The following ADAM8 variants were observed in gnomAD, a reference collection of about 807,000 sequenced individuals.
ADAM8 encodes the protein disintegrin and metalloproteinase domain-containing protein 8.
A neutral mutation model predicts 102.4 loss-of-function variants in ADAM8; 104 were observed. That is an observed-to-expected ratio of 1.02 (90% CI 0.87 to 1.20). The LOEUF is 1.20. Ranked by LOEUF, ADAM8 falls within the 50% of genes most tolerant of loss-of-function variation. The pLI is 0.00. For missense variants in ADAM8, 1,132 were observed against 1,159.0 expected, an observed-to-expected ratio of 0.98 and a Z score of 0.34; for synonymous variants, 517 against 485.2, an observed-to-expected ratio of 1.07 and a Z score of -0.86.
At chr10:133,270,154 G>A (rs1238673132) in intron 16 of ADAM8, among the ~76,000 whole-genome samples, 180 bp from the exon 17 acceptor site, 7 of 152,222 alleles carry the variant, frequency 4.6e-5, no homozygotes, top group Non-Finnish European at 7.3e-5. Context: ...CCTGGGGCAC[G>A]TGGCCGCCGG....
At chr10:133,268,621 C>T (rs1846410434) in intron 19 of ADAM8, 127 bp downstream of exon 19, 7 of 1,071,512 alleles carry the variant, frequency 6.5e-6, no homozygotes, top group East Asian at 2.6e-5. Flanking sequence ...GGCGTCATGA[C>T]GTCGGGGCAC....
intron 17 of ADAM8, 26 bp downstream of exon 17, chr10:133,269,871 G>A (rs372762472): frequency 6.2e-7 from 1 of 1,610,998 alleles, no homozygotes; most frequent in Non-Finnish European, 8.5e-7. Flanking sequence ...CTGTGCAGGG[G>A]CCCTGTCCCG....
chr10:133,273,651 G>A (rs947619579), intron 5 of ADAM8, 111 bp downstream of exon 5: 5 of 1,354,744 alleles, frequency 3.7e-6, no homozygotes, highest in Non-Finnish European at 5.1e-6. Context: ...GACAGCAAAG[G>A]CCTGAGTGGG....
At chr10:133,271,130 G>T in intron 13 of ADAM8, 60 bp from the exon 14 acceptor site, 1 of 1,592,256 alleles carries the variant, frequency 6.3e-7, no homozygotes. Context: ...CCTGGTCCCT[G>T]GTGCCCCAGG....
chr10:133,276,749 G>C, intron 1 of ADAM8, 23 bp downstream of exon 1: 1 of 1,533,062 alleles, frequency 6.5e-7, no homozygotes, highest in Non-Finnish European at 8.8e-7. Context: ...CTGCGCCCGG[G>C]ACGGTTCCCT....
Position 133,263,716 on chromosome 10 carries a change from G to A in ADAM8, c.2369C>T (p.Ala790Val). Residue 790 changes from alanine to valine, a missense_variant, in exon 22 of 23, where the codon GCT (alanine) becomes GTT (valine). Physicochemically the swap from Ala to Val is moderately conservative, Grantham distance 64. Coordinates refer to ENST00000445355, the MANE Select transcript of ADAM8 (RefSeq NM_001109.5). ...APPVPPVKPG[A>V]GAANPGPAEG... Reference sequence around the variant, plus strand: ...AGCTGGACCAGGGTTGGCCGCACCAGCCCCGGGTTTGACTGGGGGCACTGG... The same window carrying A: ...AGCTGGACCAGGGTTGGCCGCACCAACCCCGGGTTTGACTGGGGGCACTGG... 6.4e-7 allele frequency: 1 copy of A among 1,551,060 alleles called. No homozygotes were observed.
rs1846197332 is a variant in ADAM8, at chr10:133,262,622, A to T, written c.*534T>A. 6.5e-6 allele frequency: 1 copy of T among 154,442 alleles called. No homozygotes were observed. The highest frequency in any genetic ancestry group is 2.4e-5 in the African/African-American group (1 of 41,492). 9.6% of individuals were successfully genotyped at this position (154,442 alleles called of 1,614,324 possible). The stretch of plus-strand genomic sequence containing the variant: ...GCTGTCCCTCTTGAATCCCATGGGA[A>T]ACAGGCCCCAAGATCAGGGGACCTG... On this transcript the variant is annotated 3_prime_UTR_variant, in exon 23 of 23. Coordinates refer to ENST00000445355, the MANE Select transcript of ADAM8 (RefSeq NM_001109.5).
chr10:133,276,506 C>T (rs1218401648), intron 1 of ADAM8, among the ~76,000 whole-genome samples: 1 of 152,250 alleles, frequency 6.6e-6, no homozygotes, highest in African/African-American at 2.4e-5. Flanking sequence ...TGGCCCGGCC[C>T]CGACCCCACT....
At position 133,271,900 on chromosome 10, in the gene ADAM8, G is replaced by A; in HGVS notation, c.1012C>T (p.His338Tyr). The A allele has an allele frequency of 6.2e-7, 1 of 1,612,700 alleles. No individual in the cohort carries two copies. The change falls in exon 11 of 23, where the codon CAC (histidine) becomes TAC (tyrosine). Residue 338 changes from histidine to tyrosine, a missense_variant. Transcript: ENST00000445355. Reference sequence around the variant, plus strand: ...TCATCATGGTCCATGCCCAGGTTGTGGCCCATCTCATGGGCCATGGTACAG... The same window carrying A: ...TCATCATGGTCCATGCCCAGGTTGTAGCCCATCTCATGGGCCATGGTACAG... ...VACTMAHEMG[H>Y]NLGMDHDENV...
At chr10:133,271,450 C>A in intron 12 of ADAM8, 78 bp downstream of exon 12, 1 of 1,485,534 alleles carries the variant, frequency 6.7e-7, no homozygotes, top group Non-Finnish European at 9.0e-7. Context: ...TGTGGATGTG[C>A]AGTGGTCACC....
rs1208876322 is a variant in ADAM8, at chr10:133,263,022, G to T, written c.*134C>A. 2 of 1,081,814 alleles carry T rather than the reference G, an allele frequency of 1.8e-6. No homozygotes were observed. Among genetic ancestry groups the T allele is most frequent in the African/African-American group, 1.6e-5 (1 of 64,450 alleles). The allele number at this position is 1,081,814 out of a possible 1,614,324, so 67.0% of individuals were successfully genotyped here. A position where few individuals can be genotyped will look rare whatever the true frequency, so the allele number is the denominator to read the frequency against. On this transcript the variant is annotated 3_prime_UTR_variant, in exon 23 of 23. Coordinates refer to ENST00000445355, the MANE Select transcript of ADAM8 (RefSeq NM_001109.5). ...GAGCCTCTCAGGTAGATGCATTCCT[G>T]AGGTTAGAACAGCAGCTGAGCCTGC...
chr10:133,275,169 G>A (rs1020121333), intron 2 of ADAM8, among the ~76,000 whole-genome samples: 2 of 152,186 alleles, frequency 1.3e-5, no homozygotes, highest in Admixed American at 6.5e-5. Flanking sequence ...ACTCTGCGGT[G>A]AGCCAGCGTC....
intron 19 of ADAM8, among the ~76,000 whole-genome samples, 187 bp from the exon 20 acceptor site, chr10:133,268,305 C>T (rs1368591188): frequency 6.6e-6 from 1 of 152,222 alleles, no homozygotes; most frequent in Non-Finnish European, 1.5e-5. Flanking sequence ...CCCTCCATGT[C>T]CTGGGGGCCC....
Position 133,271,046 on chromosome 10 carries a change from G to A in ADAM8, c.1399C>T (p.Arg467Cys), listed in dbSNP as rs554084627. 4.4e-5 allele frequency: 71 copies of A among 1,611,980 alleles called. 1 individual carries two copies. Among genetic ancestry groups the A allele is most frequent in the African/African-American group, 2.5e-4 (19 of 75,048 alleles). ...CKVKPAGELC[R>C]PKKDMCDLEE... Reference sequence around the variant, plus strand: ...AGGTCACACATGTCCTTCTTGGGACGGCACAGCTCACCAGCCGGCTTCACC... The same window carrying A: ...AGGTCACACATGTCCTTCTTGGGACAGCACAGCTCACCAGCCGGCTTCACC... Residue 467 changes from arginine (R) to cysteine (C), a missense_variant, in exon 14 of 23, where the codon CGT becomes TGT. Arg to Cys is a radical substitution (Grantham distance 180). Coordinates refer to ENST00000445355, the MANE Select transcript of ADAM8 (RefSeq NM_001109.5).
chr10:133,272,162 G>A (rs779258733), intron 10 of ADAM8, 31 bp downstream of exon 10: 1 of 1,547,278 alleles, frequency 6.5e-7, no homozygotes, highest in African/African-American at 1.4e-5. Context: ...TCTGGCCTCG[G>A]CCTGGCAAAC....
chr10:133,275,541 G>A lies in ADAM8; in HGVS notation c.93C>T (p.Val31=), dbSNP rs554491201. The change falls in exon 2 of 23, where the codon GTC becomes GTT. Residue 31 remains valine (V), a synonymous_variant. Coordinates refer to ENST00000445355, the MANE Select transcript of ADAM8 (RefSeq NM_001109.5). ...RPWALMEQYE[V]VLPWRLPGPR... Reference sequence around the variant, plus strand: ...GGCCTGGCAGACGCCACGGCAACACGACCTCATACTGCTCCATGAGGGCCC... The same window carrying A: ...GGCCTGGCAGACGCCACGGCAACACAACCTCATACTGCTCCATGAGGGCCC... 1.8e-4 allele frequency: 274 copies of A among 1,517,372 alleles called. 4 individuals are homozygous for A. The East Asian group carries it at 3.3e-3, about 18-fold the overall frequency. 94.0% of individuals were successfully genotyped at this position (1,517,372 alleles called of 1,614,324 possible).
intron 2 of ADAM8, among the ~76,000 whole-genome samples, chr10:133,275,209 C>T (rs1846705410): frequency 6.6e-6 from 1 of 152,202 alleles, no homozygotes; most frequent in Admixed American, 6.5e-5. Context: ...GGCTTATCAG[C>T]CTCGCCAAGT....
Position 133,274,254 on chromosome 10 carries a change from G to A in ADAM8, c.151-19C>T. On this transcript the variant is annotated intron_variant, in intron 2 of 22. Transcript: ENST00000445355. Reference sequence around the variant, plus strand: ...GCAGGCCCTGAGCGAGGAGGGAAGGGTCCCAGGTGAGCAGCCTGCCCGGGC... The same window carrying A: ...GCAGGCCCTGAGCGAGGAGGGAAGGATCCCAGGTGAGCAGCCTGCCCGGGC... 1 of 1,523,402 alleles carries A rather than the reference G, an allele frequency of 6.6e-7. No individual in the cohort carries two copies. Among genetic ancestry groups the A allele is most frequent in the South Asian group, 1.3e-5 (1 of 77,680 alleles). The allele number at this position is 1,523,402 out of a possible 1,614,324, so 94.4% of individuals were successfully genotyped here. A position where few individuals can be genotyped will look rare whatever the true frequency, so the allele number is the denominator to read the frequency against.
rs750972520 is a variant in ADAM8, at chr10:133,272,599, G to A, written c.706-14C>T. ...TTTCTGATATAGCTGGAGAGGTGGT[G>A]GAGTCCTGGGGGTCAGGCAGGGTGG... On this transcript the variant is annotated splice_polypyrimidine_tract_variant and intron_variant, in intron 8 of 22. Transcript: ENST00000445355. 3.7e-6 allele frequency: 6 copies of A among 1,600,128 alleles called. No individual in the cohort carries two copies. Among genetic ancestry groups the A allele is most frequent in the East Asian group, 4.5e-5 (2 of 44,708 alleles).
Sources: gnomAD v4.1 joint callset for allele counts (sites outside exome capture counted in the v4.1 genomes callset) on GRCh38, gnomAD v4.1.1 for gene constraint, MANE v1.5 for transcripts, NCBI Gene and HGNC (gene_info 2026-07-23, HGNC 2026-07-21) for gene names.